Variants in GALNT10 observed in about 807,000 individuals in gnomAD.
The protein encoded by GALNT10 is polypeptide N-acetylgalactosaminyltransferase 10, also known as GalNAc transferase 10.
GALNT10 carries 41 observed loss-of-function variants against 75.0 expected under a neutral mutation model. That is an observed-to-expected ratio of 0.55 (90% CI 0.43 to 0.71). The LOEUF (loss-of-function observed/expected upper bound fraction) is 0.71, where lower values mean the gene tolerates loss of function less well. GALNT10 is among the 30% of genes least tolerant of loss of function. The probability of loss-of-function intolerance (pLI) is 0.00; values close to 1 mark genes in which losing one functional copy is unlikely to be tolerated. For missense variants in GALNT10, 727 were observed against 818.5 expected, an observed-to-expected ratio of 0.89 and a Z score of 1.36; for synonymous variants, 302 against 313.0, an observed-to-expected ratio of 0.96 and a Z score of 0.37.
intron 1 of GALNT10, among the ~76,000 whole-genome samples, chr5:154,236,639 G>A (rs894102836): frequency 5.9e-5 from 9 of 152,202 alleles, no homozygotes; most frequent in African/African-American, 1.2e-4. Context: ...AATTTATGGC[G>A]TCCACTTCTT....
At chr5:154,359,385 C>T (rs967454131) in intron 4 of GALNT10, among the ~76,000 whole-genome samples, 13 of 151,976 alleles carry the variant, frequency 8.6e-5, no homozygotes, top group Admixed American at 4.6e-4. Context: ...ATGCTCAGCC[C>T]GATTTTGATG....
At chr5:154,196,520 C>T (rs1774942345) in intron 1 of GALNT10, among the ~76,000 whole-genome samples, 1 of 152,124 alleles carries the variant, frequency 6.6e-6, no homozygotes, top group South Asian at 2.1e-4. Flanking sequence ...GTCTCCTTTC[C>T]TCTGGTTTCT....
intron 3 of GALNT10, among the ~76,000 whole-genome samples, chr5:154,299,493 C>T (rs1462508041): frequency 6.6e-6 from 1 of 152,196 alleles, no homozygotes; most frequent in Non-Finnish European, 1.5e-5. Flanking sequence ...GGGAGTCTGG[C>T]TCTAGAATCT....
At chr5:154,346,135 T>TCTGC (rs1755120633) in intron 4 of GALNT10, among the ~76,000 whole-genome samples, 1 of 87,500 alleles carries the variant, frequency 1.1e-5, no homozygotes, top group South Asian at 3.6e-4. Flanking sequence ...AATATTCGTG[T>TCTGC]GTGCGTGTGT....
At chr5:154,356,948 T>C (rs1561670600) in intron 4 of GALNT10, among the ~76,000 whole-genome samples, 1 of 152,252 alleles carries the variant, frequency 6.6e-6, no homozygotes, top group African/African-American at 2.4e-5. Context: ...TCTTAAAAGA[T>C]TCTTTTACCA....
At chr5:154,223,758 A>G (rs895507937) in intron 1 of GALNT10, among the ~76,000 whole-genome samples, 2 of 152,066 alleles carry the variant, frequency 1.3e-5, no homozygotes, top group Non-Finnish European at 2.9e-5. Flanking sequence ...CATCTCTACT[A>G]AAAATACACA....
Position 154,239,461 on chromosome 5 carries a change from T to G in GALNT10, c.159+48436T>G, listed in dbSNP as rs149472566. ...TCAGATCAGCTGTGGCATTAGGTTCTCATAGGAGCCAAACCCTATGGTGAA... is the reference window on the plus strand; with the variant it reads ...TCAGATCAGCTGTGGCATTAGGTTCGCATAGGAGCCAAACCCTATGGTGAA... On this transcript the variant is annotated intron_variant, in intron 1 of 11. Transcript: ENST00000297107. 3.9e-5 allele frequency among the ~76,000 whole-genome samples: 6 copies of G among 152,336 alleles called. No homozygotes were observed. In the East Asian group the frequency reaches 1.2e-3, roughly 29 times the overall value.
intron 1 of GALNT10, among the ~76,000 whole-genome samples, chr5:154,285,921 T>C (rs1387007557): frequency 3.9e-5 from 6 of 152,216 alleles, no homozygotes; most frequent in African/African-American, 1.4e-4. Context: ...CTATGATTCA[T>C]GTTTGCTCAG....
At position 154,385,324 on chromosome 5, in the gene GALNT10, C is replaced by A. The variant is rs182531211; in HGVS notation, c.939-989C>A. On this transcript the variant is annotated intron_variant, in intron 6 of 11. Coordinates refer to ENST00000297107, the MANE Select transcript of GALNT10 (RefSeq NM_198321.4). ...CAGCATGACGTTTCCTCACTTAGCACGGTGCCAGGCGGACTTCCTGTTCCC... is the reference window on the plus strand; with the variant it reads ...CAGCATGACGTTTCCTCACTTAGCAAGGTGCCAGGCGGACTTCCTGTTCCC... Among the ~76,000 whole-genome samples the A allele has an allele frequency of 7.4e-3, 1,127 of 152,280 alleles. 10 individuals carry two copies. The highest frequency in any genetic ancestry group is 0.026 in the African/African-American group (1,064 of 41,536).
At chr5:154,363,674 G>C (rs988131548) in intron 4 of GALNT10, among the ~76,000 whole-genome samples, 1 of 152,080 alleles carries the variant, frequency 6.6e-6, no homozygotes, top group African/African-American at 2.4e-5. Context: ...GCATGTGACG[G>C]GCAGAGATGT....
At chr5:154,257,184 T>A (rs1753628000) in intron 1 of GALNT10, among the ~76,000 whole-genome samples, 1 of 152,166 alleles carries the variant, frequency 6.6e-6, no homozygotes, top group African/African-American at 2.4e-5. Context: ...ATCTAGCCAG[T>A]TGCAAAGTCC....
intron 4 of GALNT10, among the ~76,000 whole-genome samples, chr5:154,368,543 G>T (rs982258458): frequency 6.6e-6 from 1 of 152,192 alleles, no homozygotes; most frequent in Non-Finnish European, 1.5e-5. Context: ...GCCTGAAATT[G>T]TCTTACAAGC....
At chr5:154,360,717 G>T (rs1330143518) in intron 4 of GALNT10, among the ~76,000 whole-genome samples, 2 of 152,154 alleles carry the variant, frequency 1.3e-5, no homozygotes, top group Non-Finnish European at 2.9e-5. Context: ...ATGGTCAAAA[G>T]AAACTTCACC....
At chr5:154,203,492 A>C (rs939523216) in intron 1 of GALNT10, among the ~76,000 whole-genome samples, 4 of 152,210 alleles carry the variant, frequency 2.6e-5, no homozygotes, top group African/African-American at 9.7e-5. Context: ...AGTCCTAGGT[A>C]GTCTGCCATG....
intron 10 of GALNT10, among the ~76,000 whole-genome samples, chr5:154,413,414 A>G (rs1218099725): frequency 6.6e-6 from 1 of 152,220 alleles, no homozygotes; most frequent in Non-Finnish European, 1.5e-5. Flanking sequence ...TGCCACTTCC[A>G]AGAGTTCTGG....
intron 3 of GALNT10, among the ~76,000 whole-genome samples, chr5:154,328,170 T>C (rs578196790): frequency 6.6e-6 from 1 of 152,152 alleles, no homozygotes; most frequent in South Asian, 2.1e-4. Context: ...CTTGTTTTGA[T>C]CCTGTATTAA....
chr5:154,196,571 T>C (rs941783420), intron 1 of GALNT10, among the ~76,000 whole-genome samples: 3 of 152,290 alleles, frequency 2.0e-5, no homozygotes, highest in African/African-American at 4.8e-5. Context: ...TTGTTCTGTT[T>C]TGAGGCTCCA....
intron 3 of GALNT10, among the ~76,000 whole-genome samples, chr5:154,319,039 T>C (rs1754638227): frequency 6.6e-6 from 1 of 152,244 alleles, no homozygotes. Context: ...CAAGAGGGCC[T>C]CAACATTGAG....
intron 1 of GALNT10, among the ~76,000 whole-genome samples, chr5:154,278,725 A>C (rs1317175751): frequency 6.6e-6 from 1 of 152,154 alleles, no homozygotes; most frequent in African/African-American, 2.4e-5. Context: ...ACTCCCCTGT[A>C]ACCTCTGTTC....
Sources: gnomAD v4.1 joint callset for allele counts (sites outside exome capture counted in the v4.1 genomes callset) on GRCh38, gnomAD v4.1.1 for gene constraint, MANE v1.5 for transcripts, NCBI Gene and HGNC (gene_info 2026-07-23, HGNC 2026-07-21) for gene names.